CFAP20DC: variants seen among roughly 807,000 people sequenced by gnomAD.
CFAP20DC encodes CFAP20 domain containing.
CFAP20DC carries 84 observed loss-of-function variants against 101.7 expected under a neutral mutation model. The ratio of observed to expected loss-of-function variants is 0.83; its 90% CI spans 0.69 to 0.99. The LOEUF (loss-of-function observed/expected upper bound fraction) is 0.99, where lower values mean the gene tolerates loss of function less well. CFAP20DC is among the 50% of genes least tolerant of loss of function. The pLI is 0.00. For missense variants in CFAP20DC, 1,007 were observed against 970.3 expected, an observed-to-expected ratio of 1.04 and a Z score of -0.50; for synonymous variants, 359 against 351.2, an observed-to-expected ratio of 1.02 and a Z score of -0.25.
chr3:58,941,345 A>G (rs868739811), intron 4 of CFAP20DC, among the ~76,000 whole-genome samples: 6,670 of 148,866 alleles, frequency 0.045, 326 homozygotes, highest in African/African-American at 0.11. Context: ...AAAAAAAAAA[A>G]AAAAAAAAAA....
In CFAP20DC at chr3:58,960,104, T is replaced by G. The variant is rs184690410; in HGVS notation, c.279-22342A>C. Among the ~76,000 whole-genome samples, 265 of 152,326 alleles carry G rather than the reference T, an allele frequency of 1.7e-3. 1 individual carries two copies. The highest frequency in any genetic ancestry group is 2.5e-3 in the Admixed American group (38 of 15,302). On this transcript the variant is annotated intron_variant, in intron 4 of 16. Transcript: ENST00000482387. ...CTTATCGTTTTAATTTCTAAAGGGTTATGAGCAGTGTTCTCCTGTTTCACT... is the reference window on the plus strand; with the variant it reads ...CTTATCGTTTTAATTTCTAAAGGGTGATGAGCAGTGTTCTCCTGTTTCACT...
At chr3:58,923,850 T>C (rs537430706) in intron 5 of CFAP20DC, among the ~76,000 whole-genome samples, 93 of 152,324 alleles carry the variant, frequency 6.1e-4, no homozygotes, top group Non-Finnish European at 1.0e-3. Flanking sequence ...GCTTGCCTTC[T>C]GGTACTGCAA....
chr3:58,941,599 C>T (rs2088599341), intron 4 of CFAP20DC, among the ~76,000 whole-genome samples: 8 of 151,372 alleles, frequency 5.3e-5, no homozygotes, highest in Admixed American at 4.6e-4. Context: ...GATAGAATCT[C>T]GCTCTGTGGC....
At chr3:58,809,631 C>T (rs938101933) in intron 14 of CFAP20DC, among the ~76,000 whole-genome samples, 1 of 152,014 alleles carries the variant, frequency 6.6e-6, no homozygotes, top group Non-Finnish European at 1.5e-5. Flanking sequence ...CCTAACATCA[C>T]AATTAAAAGA....
At chr3:58,884,034 A>G (rs569575438) in intron 7 of CFAP20DC, among the ~76,000 whole-genome samples, 2 of 152,284 alleles carry the variant, frequency 1.3e-5, no homozygotes, top group Admixed American at 1.3e-4. Flanking sequence ...TGGGAGATTT[A>G]TCATAAACAT....
intron 4 of CFAP20DC, among the ~76,000 whole-genome samples, chr3:59,003,245 A>C (rs1011808015): frequency 2.0e-5 from 3 of 152,178 alleles, no homozygotes. Context: ...AACAGATAGA[A>C]TGGGTGGATG....
At position 58,742,190 on chromosome 3, in the gene CFAP20DC, T is replaced by A. The variant is rs1434797132; in HGVS notation, c.*270A>T. 1.0e-6 allele frequency: 1 copy of A among 966,430 alleles called. No individual in the cohort carries two copies. Among genetic ancestry groups the A allele is most frequent in the African/African-American group, 1.7e-5 (1 of 57,816 alleles). The allele number at this position is 966,430 out of a possible 1,614,324, so 59.9% of individuals were successfully genotyped here. On this transcript the variant is annotated 3_prime_UTR_variant, in exon 17 of 17. Coordinates refer to ENST00000482387, the MANE Select transcript of CFAP20DC (RefSeq NM_001394063.1). The stretch of plus-strand genomic sequence containing the variant: ...TAAAATTATCTGAAATAAACAAAAT[T>A]ATATGTAGAATGAGAACAAACAAGA...
In CFAP20DC at chr3:58,918,344, A is replaced by G. The variant is rs1026750907; in HGVS notation, c.394-4480T>C. ...CTCTACTACCCTTTTAGCTTCATCAATCTTCATTCAATCACTCCCTGGTCA... is the reference window on the plus strand; with the variant it reads ...CTCTACTACCCTTTTAGCTTCATCAGTCTTCATTCAATCACTCCCTGGTCA... On this transcript the variant is annotated intron_variant, in intron 5 of 16. Transcript: ENST00000482387. 3.9e-5 allele frequency among the ~76,000 whole-genome samples: 6 copies of G among 152,068 alleles called. No individual in the cohort carries two copies. The South Asian group carries it at 6.2e-4, about 16-fold the overall frequency.
downstream of CFAP20DC, among the ~76,000 whole-genome samples, chr3:58,739,511 A>C (rs551344135): frequency 2.0e-4 from 31 of 152,344 alleles, no homozygotes; most frequent in South Asian, 5.4e-3. Flanking sequence ...AAAACTAATA[A>C]TACAGGCTCT....
chr3:58,871,553 A>G (rs1404539647), intron 7 of CFAP20DC, among the ~76,000 whole-genome samples: 2 of 145,466 alleles, frequency 1.4e-5, no homozygotes, highest in East Asian at 2.0e-4. Flanking sequence ...TTTTTGAGAC[A>G]GTCTTGCTTT....
chr3:58,886,748 T>C (rs1576138081), intron 6 of CFAP20DC, among the ~76,000 whole-genome samples: 2 of 151,936 alleles, frequency 1.3e-5, no homozygotes, highest in East Asian at 3.8e-4. Flanking sequence ...AAAGTGTGAA[T>C]GGCAAAAAAG....
At position 58,889,656 on chromosome 3, in the gene CFAP20DC, AGTGAACAAAGGTCTCTGGT is replaced by A. The variant is rs1326489893; in HGVS notation, c.551-4966_551-4948del. ...TGGAGGGAAGGTCAGCAGATAAACA[AGTGAACAAAGGTCTCTGGT>A]TTTCCTAGGCAGAGGACCCTGCGGC... On this transcript the variant is annotated intron_variant, in intron 6 of 16. Coordinates refer to ENST00000482387, the MANE Select transcript of CFAP20DC (RefSeq NM_001394063.1). Among the ~76,000 whole-genome samples, 69 of 143,946 alleles carry A rather than the reference AGTGAACAAAGGTCTCTGGT, an allele frequency of 4.8e-4. 1 individual carries two copies. Among genetic ancestry groups the A allele is most frequent in the African/African-American group, 1.8e-3 (68 of 38,582 alleles). The allele number at this position is 143,946 out of a possible 152,430, so 94.4% of individuals were successfully genotyped here.
At chr3:58,998,596 C>G (rs1338868677) in intron 4 of CFAP20DC, among the ~76,000 whole-genome samples, 1 of 152,206 alleles carries the variant, frequency 6.6e-6, no homozygotes. Flanking sequence ...TAATCACAAA[C>G]AGCCCCTGCT....
At chr3:58,837,272 G>A (rs1025692607) in intron 13 of CFAP20DC, among the ~76,000 whole-genome samples, 3 of 152,088 alleles carry the variant, frequency 2.0e-5, no homozygotes, top group South Asian at 2.1e-4. Context: ...AATGGAAATC[G>A]CCCACATGCC....
intron 4 of CFAP20DC, among the ~76,000 whole-genome samples, chr3:58,982,864 A>T (rs1391530755): frequency 6.6e-6 from 1 of 151,762 alleles, no homozygotes; most frequent in Non-Finnish European, 1.5e-5. Context: ...TAATAATAAA[A>T]ACAAAAAAAG....
chr3:59,046,129 A>G, intron 3 of CFAP20DC, 100 bp downstream of exon 3: 1 of 783,434 alleles, frequency 1.3e-6, no homozygotes, highest in Non-Finnish European at 2.0e-6. Flanking sequence ...TTACATAAAT[A>G]GATGTCAGTA....
At chr3:58,998,516 A>G (rs1179618078) in intron 4 of CFAP20DC, among the ~76,000 whole-genome samples, 1 of 152,204 alleles carries the variant, frequency 6.6e-6, no homozygotes, top group Non-Finnish European at 1.5e-5. Context: ...AACCCTTTTA[A>G]GCTCTCATGC....
chr3:58,725,720 C>A (rs2067539935), intron 3 of CFAP20DC: 1 of 155,024 alleles, frequency 6.5e-6, no homozygotes, highest in Non-Finnish European at 1.4e-5. Flanking sequence ...GGTGCAGTCA[C>A]CCATCGTGCT....
chr3:58,969,956 CTG>C (rs1486135404), intron 4 of CFAP20DC, among the ~76,000 whole-genome samples: 1 of 151,978 alleles, frequency 6.6e-6, no homozygotes, highest in African/African-American at 2.4e-5. Context: ...GGTTTCATAA[CTG>C]TGAATTATAC....
Sources: allele counts gnomAD v4.1 joint callset (sites outside exome capture counted in the v4.1 genomes callset), GRCh38; gene constraint gnomAD v4.1.1; transcripts MANE v1.5; gene names NCBI Gene and HGNC (gene_info 2026-07-23, HGNC 2026-07-21).